The following MYO1D variants were observed in gnomAD, a reference collection of about 807,000 sequenced individuals.
MYO1D encodes the protein myosin ID.
Under a neutral mutation model 122.0 loss-of-function variants are expected in MYO1D, and 83 were observed. The ratio of observed to expected loss-of-function variants is 0.68; its 90% confidence interval spans 0.57 to 0.82. MYO1D has a LOEUF of 0.82. Among genes scored for constraint, MYO1D ranks in the 40% least tolerant of loss-of-function variants. MYO1D has a pLI of 0.00. For missense variants in MYO1D, 1,157 were observed against 1,269.5 expected, an observed-to-expected ratio of 0.91 and a Z score of 1.35; for synonymous variants, 464 against 446.9, an observed-to-expected ratio of 1.04 and a Z score of -0.48.
chr17:32,752,524 C>A (rs1009850405), intron 11 of MYO1D, among the ~76,000 whole-genome samples: 5 of 152,062 alleles, frequency 3.3e-5, no homozygotes, highest in African/African-American at 1.2e-4. Context: ...ATGCCTCCAA[C>A]AAAGAACTAA....
At chr17:32,718,424 G>C (rs929199511) in intron 15 of MYO1D, among the ~76,000 whole-genome samples, 2 of 152,194 alleles carry the variant, frequency 1.3e-5, no homozygotes, top group Non-Finnish European at 1.5e-5. Flanking sequence ...CTGGCTGGGC[G>C]TGGTGGCTCA....
chr17:32,872,943 G>T (rs1358367954), intron 1 of MYO1D, among the ~76,000 whole-genome samples: 1 of 151,810 alleles, frequency 6.6e-6, no homozygotes, highest in Non-Finnish European at 1.5e-5. Flanking sequence ...TGATCCACCT[G>T]CCTCGGCCTC....
chr17:32,848,851 A>G (rs2090960683), intron 1 of MYO1D, among the ~76,000 whole-genome samples: 1 of 152,174 alleles, frequency 6.6e-6, no homozygotes, highest in South Asian at 2.1e-4. Flanking sequence ...TACATGCTTT[A>G]AGAGAATAAG....
rs187008861 is a variant in MYO1D, at chr17:32,745,132, A to T, written c.1613+79T>A. 4 of 786,422 alleles carry T rather than the reference A, an allele frequency of 5.1e-6. No individual in the cohort carries two copies. The East Asian group carries it at 1.1e-4, about 22-fold the overall frequency. 48.7% of individuals were successfully genotyped at this position (786,422 alleles called of 1,614,324 possible). A position where few individuals can be genotyped will look rare whatever the true frequency, so the allele number is the denominator to read the frequency against. ...ATGTGCCAGAAACTCTTAAAATTGC[A>T]TATAAATATAACCATGTGCATATAT... On this transcript the variant is annotated intron_variant, in intron 13 of 21. Transcript: ENST00000318217.
chr17:32,826,357 G>C (rs1186949891), intron 1 of MYO1D, among the ~76,000 whole-genome samples: 1 of 150,998 alleles, frequency 6.6e-6, no homozygotes, highest in Non-Finnish European at 1.5e-5. Context: ...AAAGTTTGTT[G>C]ATATGAATGA....
intron 16 of MYO1D, among the ~76,000 whole-genome samples, chr17:32,707,167 A>G (rs2089319823): frequency 6.6e-6 from 1 of 152,222 alleles, no homozygotes; most frequent in South Asian, 2.1e-4. Flanking sequence ...TATTATATAC[A>G]GATAGCTCCC....
Position 32,876,841 on chromosome 17 carries a change from T to G in MYO1D, c.32A>C (p.Lys11Thr). 2.0e-6 allele frequency: 3 copies of G among 1,519,210 alleles called. No individual in the cohort carries two copies. Among genetic ancestry groups the G allele is most frequent in the Non-Finnish European group, 2.6e-6 (3 of 1,133,442 alleles). 94.1% of individuals were successfully genotyped at this position (1,519,210 alleles called of 1,614,324 possible). A position where few individuals can be genotyped will look rare whatever the true frequency, so the allele number is the denominator to read the frequency against. Reference protein sequence around the residue: MAEQESLEFGKADFVLMDTVS... With the variant: MAEQESLEFGTADFVLMDTVS... ...GGTGTCCATCAGCACGAAGTCTGCC[T>G]TGCCGAATTCCAGGCTCTCCTGCTC... The change falls in exon 1 of 22, where the codon AAG (lysine) becomes ACG (threonine). Residue 11 changes from lysine (K) to threonine (T), a missense_variant. Lys to Thr is a moderately conservative substitution (Grantham distance 78, BLOSUM62 -1). Transcript: ENST00000318217.
intron 21 of MYO1D, among the ~76,000 whole-genome samples, chr17:32,585,999 C>T (rs1032509275): frequency 3.3e-5 from 5 of 151,998 alleles, no homozygotes; most frequent in African/African-American, 1.2e-4. Context: ...AATTTCTCTA[C>T]GTGTCAAGGA....
chr17:32,840,391 G>T (rs2090868998), intron 1 of MYO1D, among the ~76,000 whole-genome samples: 1 of 102,948 alleles, frequency 9.7e-6, no homozygotes, highest in Non-Finnish European at 2.0e-5. Context: ...TCAGAACACT[G>T]CAGAGTACAG....
intron 21 of MYO1D, among the ~76,000 whole-genome samples, chr17:32,540,890 C>A (rs1910818092): frequency 6.9e-6 from 1 of 145,262 alleles, no homozygotes; most frequent in Non-Finnish European, 1.5e-5. Flanking sequence ...TGTGCCACTG[C>A]ACTCCAGCCT....
At chr17:32,521,553 A>G (rs1246225963) in intron 21 of MYO1D, among the ~76,000 whole-genome samples, 1 of 152,240 alleles carries the variant, frequency 6.6e-6, no homozygotes, top group Non-Finnish European at 1.5e-5. Flanking sequence ...GAAATTCATG[A>G]TCAATAATTT....
At chr17:32,576,475 C>T (rs1365971605) in intron 21 of MYO1D, among the ~76,000 whole-genome samples, 2 of 152,168 alleles carry the variant, frequency 1.3e-5, no homozygotes, top group African/African-American at 4.8e-5. Context: ...TTCTGTGATA[C>T]ATATCAATAA....
At chr17:32,814,708 T>C (rs569895741) in intron 1 of MYO1D, among the ~76,000 whole-genome samples, 1 of 152,232 alleles carries the variant, frequency 6.6e-6, no homozygotes, top group Admixed American at 6.5e-5. Flanking sequence ...TGCTGTATCA[T>C]CTATTAGAAG....
At chr17:32,860,734 C>G (rs1598162275) in intron 1 of MYO1D, among the ~76,000 whole-genome samples, 1 of 152,108 alleles carries the variant, frequency 6.6e-6, no homozygotes, top group Non-Finnish European at 1.5e-5. Context: ...TTTTTGCCCC[C>G]GTAGTAAATG....
At chr17:32,508,458 T>C (rs796313552) in intron 21 of MYO1D, among the ~76,000 whole-genome samples, 2 of 152,114 alleles carry the variant, frequency 1.3e-5, no homozygotes, top group African/African-American at 4.8e-5. Context: ...GTATTTTTAC[T>C]AGAGACGGAA....
chr17:32,830,062 A>C (rs895266580), intron 1 of MYO1D, among the ~76,000 whole-genome samples: 6 of 152,190 alleles, frequency 3.9e-5, no homozygotes, highest in African/African-American at 1.2e-4. Flanking sequence ...AACTGATTAC[A>C]ATATATATTT....
intron 1 of MYO1D, among the ~76,000 whole-genome samples, chr17:32,819,206 G>GTT (rs761386488): frequency 7.8e-5 from 11 of 140,672 alleles, no homozygotes; most frequent in Non-Finnish European, 9.4e-5. Flanking sequence ...TTGGTTTCAA[G>GTT]TTTTTTTTTT....
intron 21 of MYO1D, chr17:32,496,219 G>A (rs913190308): frequency 1.3e-5 from 2 of 152,316 alleles, no homozygotes; most frequent in Non-Finnish European, 2.9e-5. Context: ...TGTCACTAGA[G>A]CACCTGGCCC....
At chr17:32,863,765 T>C (rs1274896348) in intron 1 of MYO1D, among the ~76,000 whole-genome samples, 1 of 152,162 alleles carries the variant, frequency 6.6e-6, no homozygotes, top group African/African-American at 2.4e-5. Flanking sequence ...CCTCTATGTG[T>C]AAAGAACAAT....
Sources: allele counts gnomAD v4.1 joint callset (sites outside exome capture counted in the v4.1 genomes callset), GRCh38; gene constraint gnomAD v4.1.1; transcripts MANE v1.5; gene names NCBI Gene and HGNC (gene_info 2026-07-23, HGNC 2026-07-21).